Variants in SCLT1 observed in about 807,000 individuals in gnomAD.
The protein encoded by SCLT1 is sodium channel and clathrin linker 1.
A neutral mutation model predicts 112.8 loss-of-function variants in SCLT1; 78 were observed. The ratio of observed to expected loss-of-function variants is 0.69; its 90% confidence interval spans 0.58 to 0.83. The LOEUF (loss-of-function observed/expected upper bound fraction) is 0.83, where lower values mean the gene tolerates loss of function less well. Among genes scored for constraint, SCLT1 ranks in the 40% least tolerant of loss-of-function variants. The pLI is 0.00. For missense variants in SCLT1, 747 were observed against 770.4 expected, an observed-to-expected ratio of 0.97 and a Z score of 0.36; for synonymous variants, 257 against 254.7, an observed-to-expected ratio of 1.01 and a Z score of -0.09.
chr4:128,994,421 A>T (rs2126072925), intron 8 of SCLT1, among the ~76,000 whole-genome samples: 1 of 152,228 alleles, frequency 6.6e-6, no homozygotes, highest in Admixed American at 6.6e-5. Context: ...TCTTTGATGG[A>T]CATCTAAGGT....
chr4:129,067,133 A>C (rs972498997), intron 2 of SCLT1, among the ~76,000 whole-genome samples: 1 of 152,144 alleles, frequency 6.6e-6, no homozygotes, highest in African/African-American at 2.4e-5. Context: ...TTTTCAAAAT[A>C]AAGAATAAGA....
At chr4:128,966,507 T>A (rs956126110) in intron 10 of SCLT1, among the ~76,000 whole-genome samples, 1 of 152,190 alleles carries the variant, frequency 6.6e-6, no homozygotes, top group Non-Finnish European at 1.5e-5. Flanking sequence ...ACCCATCAAA[T>A]ACGGTGTTAT....
At chr4:128,995,019 T>C (rs964088102) in intron 8 of SCLT1, among the ~76,000 whole-genome samples, 1 of 152,182 alleles carries the variant, frequency 6.6e-6, no homozygotes, top group African/African-American at 2.4e-5. Context: ...CAAAAACTTT[T>C]TGGTTTGATG....
At chr4:128,998,968 TAGTGCTC>T (rs1380499507) in intron 7 of SCLT1, among the ~76,000 whole-genome samples, 1 of 151,890 alleles carries the variant, frequency 6.6e-6, no homozygotes, top group Non-Finnish European at 1.5e-5. Context: ...AATTCCTCCA[TAGTGCTC>T]AATGCACCTA....
intron 5 of SCLT1, among the ~76,000 whole-genome samples, chr4:129,024,750 C>T (rs1447416448): frequency 1.4e-4 from 21 of 152,018 alleles, no homozygotes; most frequent in African/African-American, 3.6e-4. Flanking sequence ...CAAACTACTC[C>T]GAGCTACAGG....
chr4:128,991,258 A>T (rs1579618627), intron 9 of SCLT1, among the ~76,000 whole-genome samples: 1 of 151,986 alleles, frequency 6.6e-6, no homozygotes, highest in East Asian at 1.9e-4. Context: ...AGAACCCAGA[A>T]ATAAATCAAT....
intron 17 of SCLT1, among the ~76,000 whole-genome samples, chr4:128,942,077 G>A (rs963255262): frequency 3.3e-5 from 5 of 151,882 alleles, no homozygotes; most frequent in Admixed American, 1.3e-4. Context: ...TGGCGGTATG[G>A]GTCCTCTCCT....
chr4:128,932,003 T>C (rs1213554686), intron 18 of SCLT1, among the ~76,000 whole-genome samples: 1 of 151,928 alleles, frequency 6.6e-6, no homozygotes, highest in East Asian at 1.9e-4. Flanking sequence ...TGGTATGTTG[T>C]CCATCTTCCT....
chr4:128,951,461 G>A (rs1738727487), intron 14 of SCLT1, among the ~76,000 whole-genome samples: 1 of 152,098 alleles, frequency 6.6e-6, no homozygotes, highest in African/African-American at 2.4e-5. Context: ...TCTAAAGTGA[G>A]TTTAATATAG....
chr4:128,945,240 C>T (rs976969622), intron 16 of SCLT1, among the ~76,000 whole-genome samples: 1 of 152,114 alleles, frequency 6.6e-6, no homozygotes, highest in Non-Finnish European at 1.5e-5. Flanking sequence ...TGGATATACA[C>T]ATTGGAGAGA....
chr4:128,884,207 G>C lies in SCLT1; in HGVS notation c.*270C>G, dbSNP rs1579273686. 3.3e-6 allele frequency: 1 copy of C among 304,788 alleles called. No individual in the cohort carries two copies. Among genetic ancestry groups the C allele is most frequent in the East Asian group, 5.4e-5 (1 of 18,558 alleles). 18.9% of individuals were successfully genotyped at this position (304,788 alleles called of 1,614,324 possible). ...TTATGTCCTTTCAAGGGAAAAAGGA[G>C]GAATTAAAAAACAGACACATTGATG... On this transcript the variant is annotated 3_prime_UTR_variant, in exon 21 of 21. Coordinates refer to ENST00000281142, the MANE Select transcript of SCLT1 (RefSeq NM_144643.4).
chr4:128,927,632 G>A (rs1007526301), intron 18 of SCLT1, among the ~76,000 whole-genome samples: 10 of 151,578 alleles, frequency 6.6e-5, no homozygotes, highest in African/African-American at 2.4e-4. Flanking sequence ...ATATCAAAAC[G>A]TATACTAAAG....
At chr4:129,028,846 C>T (rs530715785) in intron 5 of SCLT1, among the ~76,000 whole-genome samples, 14 of 152,102 alleles carry the variant, frequency 9.2e-5, no homozygotes, top group Admixed American at 8.5e-4. Context: ...AAAAAACCAT[C>T]CCATCAAAAA....
intron 5 of SCLT1, among the ~76,000 whole-genome samples, chr4:129,016,887 A>G (rs1015404376): frequency 2.0e-5 from 3 of 152,088 alleles, no homozygotes; most frequent in Non-Finnish European, 4.4e-5. Flanking sequence ...GTTTTGTCTG[A>G]ACTTTCTAGT....
intron 18 of SCLT1, among the ~76,000 whole-genome samples, chr4:128,907,895 C>T (rs988837298): frequency 1.3e-5 from 2 of 151,976 alleles, no homozygotes; most frequent in African/African-American, 2.4e-5. Flanking sequence ...TTAAATAAAA[C>T]AAATAAAAGA....
intron 5 of SCLT1, among the ~76,000 whole-genome samples, chr4:129,030,284 C>A (rs568909892): frequency 6.6e-6 from 1 of 152,176 alleles, no homozygotes; most frequent in African/African-American, 2.4e-5. Context: ...ACACAATGTA[C>A]CATAATCTCT....
intron 1 of SCLT1, among the ~76,000 whole-genome samples, chr4:129,083,808 G>GTC (rs1752167275): frequency 1.3e-5 from 2 of 152,238 alleles, no homozygotes; most frequent in South Asian, 4.1e-4. Flanking sequence ...TAGAGAAAAA[G>GTC]TCTGAAGTTA....
In SCLT1 at chr4:129,005,862, T is replaced by C. The variant is rs534560100; in HGVS notation, c.291-1986A>G. ...TAAAAAATGATGAGTTCATGTCCTT[T>C]GTAGGGACATGGATGAAATTGGAAA... On this transcript the variant is annotated intron_variant, in intron 5 of 20. Transcript: ENST00000281142. Among the ~76,000 whole-genome samples, 645 of 151,342 alleles carry C rather than the reference T, an allele frequency of 4.3e-3. 6 individuals carry two copies. Among genetic ancestry groups the C allele is most frequent in the African/African-American group, 0.014 (582 of 41,218 alleles).
At chr4:129,042,212 G>A (rs1350575650) in intron 4 of SCLT1, among the ~76,000 whole-genome samples, 1 of 152,102 alleles carries the variant, frequency 6.6e-6, no homozygotes, top group Non-Finnish European at 1.5e-5. Context: ...CCTCCTGATA[G>A]GTTTAGCTTG....
Sources: allele counts gnomAD v4.1 joint callset (sites outside exome capture counted in the v4.1 genomes callset), GRCh38; gene constraint gnomAD v4.1.1; transcripts MANE v1.5; gene names NCBI Gene and HGNC (gene_info 2026-07-23, HGNC 2026-07-21).